The following TMEM72 variants were observed in gnomAD, a reference collection of about 807,000 sequenced individuals.
TMEM72 encodes transmembrane protein 72.
TMEM72 carries 9 observed loss-of-function variants against 16.3 expected under a neutral mutation model. That is an observed-to-expected ratio of 0.55 (90% confidence interval 0.33 to 0.96). The LOEUF (loss-of-function observed/expected upper bound fraction) is 0.96. Ranked by LOEUF, TMEM72 falls within the 40% of genes least tolerant of loss-of-function variation. The pLI, the probability that TMEM72 is intolerant of heterozygous loss-of-function variation, is 0.03. For missense variants in TMEM72, 324 were observed against 337.8 expected, an observed-to-expected ratio of 0.96 and a Z score of 0.32; for synonymous variants, 160 against 146.5, an observed-to-expected ratio of 1.09 and a Z score of -0.66.
chr10:44,924,178 A>G (rs533754027), intron 1 of TMEM72, among the ~76,000 whole-genome samples: 1 of 152,170 alleles, frequency 6.6e-6, no homozygotes, highest in Admixed American at 6.5e-5. Flanking sequence ...TGCACTGCCC[A>G]TTGCCCCCGA....
At chr10:44,925,475 C>T (rs751198917) in intron 1 of TMEM72, among the ~76,000 whole-genome samples, 5 of 152,238 alleles carry the variant, frequency 3.3e-5, no homozygotes, top group Non-Finnish European at 2.9e-5. Flanking sequence ...AGCCTGGAGT[C>T]GAACACCCCT....
chr10:44,917,104 G>T (rs1408646324), intron 1 of TMEM72, among the ~76,000 whole-genome samples: 1 of 152,128 alleles, frequency 6.6e-6, no homozygotes, highest in East Asian at 1.9e-4. Flanking sequence ...GGGAGTGTAT[G>T]GGCTGGACAG....
rs1285893084 is a variant in TMEM72 at position 44,933,630 on chromosome 10, T to G, written c.210-7T>G. The stretch of plus-strand genomic sequence containing the variant: ...ACATTATGCTAACCTGGACTCCCTC[T>G]CCCCAGGTGTCAACCAGGGTCCCTG... On this transcript the variant is annotated splice_polypyrimidine_tract_variant and splice_region_variant and intron_variant, in intron 3 of 4. Transcript: ENST00000389583. 6.2e-7 allele frequency: 1 copy of G among 1,611,162 alleles called. No individual in the cohort carries two copies. Among genetic ancestry groups the G allele is most frequent in the Non-Finnish European group, 8.5e-7 (1 of 1,177,890 alleles).
At chr10:44,934,527 A>T (rs1429144949) in intron 4 of TMEM72, 129 bp from the exon 5 acceptor site, 1 of 911,292 alleles carries the variant, frequency 1.1e-6, no homozygotes, top group African/African-American at 1.7e-5. Context: ...CAAGAGGGCC[A>T]GGGCCACAGG....
At chr10:44,915,961 G>A (rs1210894225) in intron 1 of TMEM72, among the ~76,000 whole-genome samples, 2 of 152,178 alleles carry the variant, frequency 1.3e-5, no homozygotes. Context: ...CTGACTGCAT[G>A]CATTATGGTC....
Position 44,934,749 on chromosome 10 carries a change from A to T in TMEM72, c.443A>T (p.Gln148Leu), listed in dbSNP as rs1404315412. The T allele has an allele frequency of 6.2e-7, 1 of 1,613,494 alleles. No individual in the cohort carries two copies. The highest frequency in any genetic ancestry group is 8.5e-7 in the Non-Finnish European group (1 of 1,179,988). ...CCCGAGGTGCTGGCCTCCCCAGAGC[A>T]GTACACAGACCCCTCTAGCAGCGCT... is the stretch of plus-strand genomic sequence containing the variant. ...AAPEVLASPE[Q>L]YTDPSSSAVS... The change falls in exon 5 of 5, where the codon CAG becomes CTG. Residue 148 changes from glutamine (Q) to leucine (L), a missense_variant. Physicochemically the swap from Gln to Leu is moderately radical, Grantham distance 113. Transcript: ENST00000389583.
At chr10:44,927,883 G>T in intron 1 of TMEM72, 38 bp from the exon 2 acceptor site, 1 of 1,597,488 alleles carries the variant, frequency 6.3e-7, no homozygotes, top group Non-Finnish European at 8.5e-7. Context: ...GTGGTGTAGA[G>T]CACCAGGCCC....
At chr10:44,927,671 G>A (rs1405115190) in intron 1 of TMEM72, among the ~76,000 whole-genome samples, 1 of 152,206 alleles carries the variant, frequency 6.6e-6, no homozygotes, top group East Asian at 1.9e-4. Flanking sequence ...GGGCACTAAG[G>A]GTGGCTGCTC....
chr10:44,926,167 ACT>A lies in TMEM72; in HGVS notation c.71-1752_71-1751del, dbSNP rs1840188826. The stretch of plus-strand genomic sequence containing the variant: ...CATATATACTCACATATACACATAC[ACT>A]CACACACTCACACATGTACACACAC... On this transcript the variant is annotated intron_variant, in intron 1 of 4. Coordinates refer to ENST00000389583, the MANE Select transcript of TMEM72 (RefSeq NM_001123376.3). Among the ~76,000 whole-genome samples the A allele has an allele frequency of 3.3e-5, 5 of 151,930 alleles. No homozygotes were observed. In the South Asian group the frequency reaches 8.3e-4, roughly 25 times the overall value.
intron 1 of TMEM72, among the ~76,000 whole-genome samples, chr10:44,914,808 C>A (rs570274007): frequency 6.6e-6 from 1 of 152,322 alleles, no homozygotes; most frequent in South Asian, 2.1e-4. Flanking sequence ...GAGAAAGGAC[C>A]TGTCCCACAG....
chr10:44,933,246 T>A (rs1840333221), intron 3 of TMEM72, among the ~76,000 whole-genome samples: 2 of 152,240 alleles, frequency 1.3e-5, no homozygotes, highest in Non-Finnish European at 2.9e-5. Flanking sequence ...GCCAAGCCTC[T>A]TATGCAGTGC....
At chr10:44,915,212 A>G (rs1839996573) in intron 1 of TMEM72, among the ~76,000 whole-genome samples, 1 of 152,154 alleles carries the variant, frequency 6.6e-6, no homozygotes, top group Non-Finnish European at 1.5e-5. Context: ...CCACTGCCCC[A>G]TCTCCAGGGC....
intron 1 of TMEM72, among the ~76,000 whole-genome samples, chr10:44,926,665 C>CTA (rs1840198980): frequency 6.6e-6 from 1 of 152,158 alleles, no homozygotes; most frequent in Non-Finnish European, 1.5e-5. Flanking sequence ...GGCAGTCGCC[C>CTA]ATGAAGCACA....
intron 2 of TMEM72, among the ~76,000 whole-genome samples, chr10:44,928,296 A>G (rs1423235624): frequency 6.6e-6 from 1 of 151,652 alleles, no homozygotes; most frequent in African/African-American, 2.4e-5. Context: ...CAATCTATTC[A>G]TGCACCAATC....
At position 44,926,251 on chromosome 10, in the gene TMEM72, A is replaced by G. The variant is rs377070009; in HGVS notation, c.71-1670A>G. On this transcript the variant is annotated intron_variant, in intron 1 of 4. Coordinates refer to ENST00000389583, the MANE Select transcript of TMEM72 (RefSeq NM_001123376.3). ...CCTACACACACACACGTGTCCACAC[A>G]TGCACGCACGCAGGCTGGAAAGCAG... Among the ~76,000 whole-genome samples, 108 of 152,282 alleles carry G rather than the reference A, an allele frequency of 7.1e-4. 1 individual carries two copies. The South Asian group carries it at 0.012, about 17-fold the overall frequency.
rs2132736243 is a variant in TMEM72, at chr10:44,936,207, T to C, written c.*1073T>C. 1 of 152,288 alleles carries C rather than the reference T, an allele frequency of 6.6e-6. No individual in the cohort carries two copies. Among genetic ancestry groups the C allele is most frequent in the South Asian group, 2.1e-4 (1 of 4,828 alleles). 9.4% of individuals were successfully genotyped at this position (152,288 alleles called of 1,614,324 possible). A position where few individuals can be genotyped will look rare whatever the true frequency, so the allele number is the denominator to read the frequency against. ...GCAATATAGGCTTTACTTCTAAAAA[T>C]TGTTGTCGGGTCCATGAGGCTGTTG... On this transcript the variant is annotated 3_prime_UTR_variant, in exon 5 of 5. Coordinates refer to ENST00000389583, the MANE Select transcript of TMEM72 (RefSeq NM_001123376.3).
chr10:44,932,155 G>A (rs916396554), intron 3 of TMEM72, 86 bp downstream of exon 3: 7 of 1,466,500 alleles, frequency 4.8e-6, no homozygotes, highest in African/African-American at 4.2e-5. Context: ...CACAACCAGG[G>A]GATGTCCTGC....
intron 1 of TMEM72, among the ~76,000 whole-genome samples, chr10:44,925,482 C>A (rs1275648943): frequency 6.6e-6 from 1 of 152,230 alleles, no homozygotes; most frequent in African/African-American, 2.4e-5. Flanking sequence ...AGTCGAACAC[C>A]CCTTCCCAGG....
chr10:44,918,825 G>C (rs1840049599), intron 1 of TMEM72, among the ~76,000 whole-genome samples: 1 of 152,120 alleles, frequency 6.6e-6, no homozygotes. Flanking sequence ...AGACCTGAGA[G>C]AGCTCCCTAG....
Sources: allele counts gnomAD v4.1 joint callset (sites outside exome capture counted in the v4.1 genomes callset), GRCh38; gene constraint gnomAD v4.1.1; transcripts MANE v1.5; gene names NCBI Gene and HGNC (gene_info 2026-07-23, HGNC 2026-07-21).